The following EGFLAM variants were observed in gnomAD, a reference collection of about 807,000 sequenced individuals.
EGFLAM encodes the protein EGF like, fibronectin type III and laminin G domains.
Under a neutral mutation model 113.1 loss-of-function variants are expected in EGFLAM, and 79 were observed. The observed-to-expected ratio is 0.70, with a 90% CI of 0.58 to 0.84. The LOEUF is 0.84. Ranked by LOEUF, EGFLAM falls within the 40% of genes least tolerant of loss-of-function variation. EGFLAM has a pLI of 0.00. For synonymous variants in EGFLAM, 504 were observed against 487.6 expected (o/e 1.03, Z -0.44); for missense variants, 1,265 against 1,291.6 (o/e 0.98, Z 0.32).
chr5:38,280,184 T>C (rs1267254597), intron 1 of EGFLAM, among the ~76,000 whole-genome samples: 7 of 152,216 alleles, frequency 4.6e-5, no homozygotes. Context: ...AAAGTGATGA[T>C]GGAAAAATAT....
intron 5 of EGFLAM, among the ~76,000 whole-genome samples, chr5:38,359,986 G>A (rs555179526): frequency 2.0e-5 from 3 of 152,322 alleles, no homozygotes; most frequent in African/African-American, 7.2e-5. Context: ...TCAAGGTCAT[G>A]CAACCTGGGT....
At chr5:38,391,963 T>G (rs1740824563) in intron 6 of EGFLAM, among the ~76,000 whole-genome samples, 1 of 152,036 alleles carries the variant, frequency 6.6e-6, no homozygotes, top group East Asian at 1.9e-4. Flanking sequence ...CTTTTTTAAC[T>G]TTTATTTTAG....
At chr5:38,445,720 T>C (rs372474044) in intron 17 of EGFLAM, 250 of 1,597,962 alleles carry the variant, frequency 1.6e-4, no homozygotes, top group Admixed American at 2.3e-4. Context: ...CAGTAAGTCC[T>C]GTGAGAAACT....
Position 38,434,029 on chromosome 5 carries a change from G to C in EGFLAM, c.2167-1108G>C, listed in dbSNP as rs1329876021. On this transcript the variant is annotated intron_variant, in intron 15 of 21. Coordinates refer to ENST00000322350, the MANE Select transcript of EGFLAM (RefSeq NM_152403.4). ...CTTCTCTACCCTTGACATGACCCCA[G>C]ATTCATTCTCCTCCCTCTGGCCAAT... 4.6e-5 allele frequency among the ~76,000 whole-genome samples: 7 copies of C among 152,114 alleles called. No homozygotes were observed. In the South Asian group the frequency reaches 1.5e-3, roughly 32 times the overall value.
At chr5:38,361,732 G>A (rs1459922870) in intron 5 of EGFLAM, among the ~76,000 whole-genome samples, 1 of 152,166 alleles carries the variant, frequency 6.6e-6, no homozygotes, top group Non-Finnish European at 1.5e-5. Context: ...AGTTGGACAA[G>A]CTTGATCTAG....
In EGFLAM at chr5:38,443,140, C is replaced by T. The variant is rs184615120; in HGVS notation, c.2464+4685C>T. 2.1e-3 allele frequency among the ~76,000 whole-genome samples: 323 copies of T among 152,220 alleles called. 5 individuals carry two copies. Among genetic ancestry groups the T allele is most frequent in the African/African-American group, 7.6e-3 (315 of 41,540 alleles). On this transcript the variant is annotated intron_variant, in intron 17 of 21. Coordinates refer to ENST00000322350, the MANE Select transcript of EGFLAM (RefSeq NM_152403.4). ...AATTAGCCAGGTGTGGTGGTGCATG[C>T]CTGTAATCCCAGCTACTTGGGAGGC...
At chr5:38,354,482 ACTTTGGGAGGT>A (rs760617205) in intron 5 of EGFLAM, among the ~76,000 whole-genome samples, 1 of 152,200 alleles carries the variant, frequency 6.6e-6, no homozygotes, top group Non-Finnish European at 1.5e-5. Context: ...TAATCCCAGC[ACTTTGGGAGGT>A]CAAGGCAGGC....
intron 1 of EGFLAM, among the ~76,000 whole-genome samples, chr5:38,285,424 A>G (rs1002618436): frequency 6.6e-6 from 1 of 152,198 alleles, no homozygotes; most frequent in African/African-American, 2.4e-5. Flanking sequence ...CAACGGCCTC[A>G]TTGTAACTGT....
intron 1 of EGFLAM, among the ~76,000 whole-genome samples, chr5:38,259,741 A>G (rs1757451673): frequency 6.6e-6 from 1 of 152,224 alleles, no homozygotes; most frequent in African/African-American, 2.4e-5. Context: ...GGGATTAATT[A>G]TATCTTATGA....
chr5:38,324,023 G>C (rs1045046587), intron 1 of EGFLAM, among the ~76,000 whole-genome samples: 1 of 116,340 alleles, frequency 8.6e-6, no homozygotes, highest in Non-Finnish European at 1.6e-5. Flanking sequence ...GTGCATGACA[G>C]AATGAAACTC....
rs751677769 is a variant in EGFLAM, at chr5:38,431,200, G to A, written c.2078G>A (p.Gly693Asp). 1 of 1,614,118 alleles carries A rather than the reference G, an allele frequency of 6.2e-7. No individual in the cohort carries two copies. Among genetic ancestry groups the A allele is most frequent in the Non-Finnish European group, 8.5e-7 (1 of 1,180,010 alleles). Residue 693 changes from glycine (G) to aspartate (D), a missense_variant, in exon 15 of 22, where the codon GGC becomes GAC. Gly to Asp is a moderately conservative substitution (Grantham distance 94). Coordinates refer to ENST00000322350, the MANE Select transcript of EGFLAM (RefSeq NM_152403.4). ...VLRSEDPLTL[G>D]NWHELRVSRT... Reference sequence around the variant, plus strand: ...AGGAGTGAAGATCCCCTCACCCTGGGCAACTGGCACGAGCTTCGTGTATCT... The same window carrying A: ...AGGAGTGAAGATCCCCTCACCCTGGACAACTGGCACGAGCTTCGTGTATCT...
At chr5:38,349,766 T>TACACACTCACACAC (rs748306970) in intron 3 of EGFLAM, among the ~76,000 whole-genome samples, 1 of 107,578 alleles carries the variant, frequency 9.3e-6, no homozygotes. Flanking sequence ...GCAGGGGAAG[T>TACACACTCACACAC]ACACACGCAC....
intron 6 of EGFLAM, among the ~76,000 whole-genome samples, chr5:38,381,204 G>T (rs1450713795): frequency 6.6e-6 from 1 of 151,936 alleles, no homozygotes; most frequent in African/African-American, 2.4e-5. Context: ...AATCTTTTCT[G>T]TTCTTTCCTT....
intron 1 of EGFLAM, among the ~76,000 whole-genome samples, chr5:38,315,400 A>G (rs937736495): frequency 6.6e-6 from 1 of 152,170 alleles, no homozygotes; most frequent in Admixed American, 6.5e-5. Flanking sequence ...GGCACCATCC[A>G]TGTTATGAAA....
intron 1 of EGFLAM, among the ~76,000 whole-genome samples, chr5:38,303,309 A>G (rs1758639929): frequency 6.6e-6 from 1 of 152,242 alleles, no homozygotes. Flanking sequence ...TTCACTGGAA[A>G]TATAAGATGA....
intron 1 of EGFLAM, among the ~76,000 whole-genome samples, chr5:38,295,962 A>G (rs1758444598): frequency 6.6e-6 from 1 of 152,172 alleles, no homozygotes; most frequent in South Asian, 2.1e-4. Context: ...TCAGAGACAA[A>G]CCTCAAAATA....
At chr5:38,401,613 G>A (rs1157563345) in intron 6 of EGFLAM, among the ~76,000 whole-genome samples, 3 of 152,180 alleles carry the variant, frequency 2.0e-5, no homozygotes, top group African/African-American at 7.2e-5. Flanking sequence ...TTGAGCAAGG[G>A]CAGGACATAG....
chr5:38,438,140 A>AATT, intron 16 of EGFLAM, 135 bp from the exon 17 acceptor site: 1 of 730,662 alleles, frequency 1.4e-6, no homozygotes, highest in Non-Finnish European at 2.0e-6. Flanking sequence ...AAAAAAAAAA[A>AATT]GTGGAAACTG....
At chr5:38,338,905 A>G in intron 3 of EGFLAM, 124 bp downstream of exon 3, 1 of 791,520 alleles carries the variant, frequency 1.3e-6, no homozygotes, top group Non-Finnish European at 2.1e-6. Context: ...ATAGTCCTTT[A>G]GGATTTCCAA....
Sources: gnomAD v4.1 joint callset for allele counts (sites outside exome capture counted in the v4.1 genomes callset) on GRCh38, gnomAD v4.1.1 for gene constraint, MANE v1.5 for transcripts, NCBI Gene and HGNC (gene_info 2026-07-23, HGNC 2026-07-21) for gene names.